AFF2: variants seen among roughly 807,000 people sequenced by gnomAD.
AFF2 encodes AF4/FMR2 family member 2.
A neutral mutation model predicts 76.9 loss-of-function variants in AFF2; 14 were observed. The observed-to-expected ratio is 0.18, with a 90% CI of 0.12 to 0.28. The LOEUF is 0.28. Ranked by LOEUF, AFF2 falls within the 10% of genes least tolerant of loss-of-function variation. AFF2 has a pLI of 1.00. For missense variants in AFF2, 868 were observed against 1,001.1 expected (o/e 0.87, Z 1.79); for synonymous variants, 398 against 366.7 (o/e 1.09, Z -0.98).
At chrX:148,513,194 G>A (rs970618739) in intron 1 of AFF2, among the ~76,000 whole-genome samples, 5 of 112,139 alleles carry the variant, frequency 4.5e-5, no homozygotes, top group African/African-American at 1.6e-4. Flanking sequence ...ATTCAAATGC[G>A]CTAAAGCAGG....
At chrX:148,930,765 G>T (rs782390176) in intron 9 of AFF2, among the ~76,000 whole-genome samples, 5 of 112,292 alleles carry the variant, frequency 4.5e-5, no homozygotes, top group African/African-American at 6.5e-5. Flanking sequence ...GCTGATGAGG[G>T]TTTAAATAAC....
At chrX:148,818,176 A>G (rs1424978764) in intron 4 of AFF2, among the ~76,000 whole-genome samples, 2 of 112,134 alleles carry the variant, frequency 1.8e-5, no homozygotes, top group African/African-American at 6.5e-5. Flanking sequence ...CTATTTGTAC[A>G]TTATACATAT....
chrX:148,845,703 T>C (rs2070658656), intron 7 of AFF2, among the ~76,000 whole-genome samples: 1 of 112,144 alleles, frequency 8.9e-6, no homozygotes, highest in Non-Finnish European at 1.9e-5. Flanking sequence ...CTCCTAGGAT[T>C]TTCCATTTGG....
At chrX:148,953,515 A>C in intron 9 of AFF2, 65 bp from the exon 10 acceptor site, 5 of 1,127,316 alleles carry the variant, frequency 4.4e-6, no homozygotes, top group Non-Finnish European at 6.0e-6. Flanking sequence ...CTTCACCTGA[A>C]CTGGGCTGTT....
intron 3 of AFF2, among the ~76,000 whole-genome samples, chrX:148,717,167 C>G (rs1382860230): frequency 8.9e-6 from 1 of 111,788 alleles, no homozygotes; most frequent in East Asian, 2.8e-4. Context: ...TCTCAAATCT[C>G]CATCAATGGA....
chrX:148,803,685 T>C (rs1414946440), intron 3 of AFF2, among the ~76,000 whole-genome samples: 2 of 111,803 alleles, frequency 1.8e-5, no homozygotes, highest in African/African-American at 3.3e-5. Context: ...GCCCACTGAA[T>C]TAAGTACTCT....
intron 3 of AFF2, among the ~76,000 whole-genome samples, chrX:148,706,259 T>C (rs1339276443): frequency 1.8e-5 from 2 of 111,985 alleles, no homozygotes; most frequent in Non-Finnish European, 3.8e-5. Context: ...CCTGGGAAAC[T>C]ATATGGACAT....
intron 3 of AFF2, among the ~76,000 whole-genome samples, chrX:148,665,563 G>A (rs1248606062): frequency 9.0e-6 from 1 of 111,718 alleles, no homozygotes; most frequent in East Asian, 2.8e-4. Flanking sequence ...AGGAGGAAAG[G>A]AAAAGAGAGG....
chrX:148,747,702 C>G (rs1280770367), intron 3 of AFF2, among the ~76,000 whole-genome samples: 1 of 111,626 alleles, frequency 9.0e-6, no homozygotes, highest in Non-Finnish European at 1.9e-5. Flanking sequence ...TTTAGACTCT[C>G]AAAAGCTGGG....
At chrX:148,609,260 A>G (rs1440073233) in intron 1 of AFF2, among the ~76,000 whole-genome samples, 1 of 111,946 alleles carries the variant, frequency 8.9e-6, no homozygotes. Flanking sequence ...ATACTCAGTC[A>G]TGTGCAATGT....
In AFF2 at chrX:148,940,326, G is replaced by A. The variant is rs188867011; in HGVS notation, c.1398-13254G>A. ...GTAGGTAGGGACCCTGTAGCATTGTGATTTGCTGTTGACATACTAAAAGGG... is the reference window on the plus strand; with the variant it reads ...GTAGGTAGGGACCCTGTAGCATTGTAATTTGCTGTTGACATACTAAAAGGG... On this transcript the variant is annotated intron_variant, in intron 9 of 20. Transcript: ENST00000370460. 5.4e-5 allele frequency among the ~76,000 whole-genome samples: 6 copies of A among 112,106 alleles called. No individual in the cohort carries two copies. The Admixed American group carries it at 5.7e-4, about 11-fold the overall frequency.
chrX:148,854,009 T>C (rs781919646), intron 7 of AFF2, among the ~76,000 whole-genome samples: 4 of 112,302 alleles, frequency 3.6e-5, no homozygotes, highest in Non-Finnish European at 7.5e-5. Flanking sequence ...GTCTACCCTT[T>C]ATCTTCATGC....
At chrX:148,848,806 A>G (rs1603312059) in intron 7 of AFF2, among the ~76,000 whole-genome samples, 1 of 112,227 alleles carries the variant, frequency 8.9e-6, no homozygotes, top group East Asian at 2.8e-4. Context: ...TTTTAAATCA[A>G]GAAGTATACC....
chrX:148,772,142 C>T (rs1557268149), intron 3 of AFF2, among the ~76,000 whole-genome samples: 1 of 112,183 alleles, frequency 8.9e-6, no homozygotes, highest in Non-Finnish European at 1.9e-5. Context: ...TATCTCAACA[C>T]ACATCTGATG....
intron 1 of AFF2, among the ~76,000 whole-genome samples, chrX:148,594,820 C>T (rs1316093045): frequency 8.9e-6 from 1 of 112,146 alleles, no homozygotes; most frequent in African/African-American, 3.2e-5. Context: ...TACTGCTCTT[C>T]CTTTCCCCAG....
At chrX:148,527,891 A>G (rs1277447104) in intron 1 of AFF2, among the ~76,000 whole-genome samples, 1 of 111,510 alleles carries the variant, frequency 9.0e-6, no homozygotes, top group Non-Finnish European at 1.9e-5. Context: ...GTACCTCTGT[A>G]TCCCATTTCT....
intron 8 of AFF2, among the ~76,000 whole-genome samples, chrX:148,888,231 C>T (rs1361166477): frequency 1.8e-5 from 2 of 110,192 alleles, no homozygotes; most frequent in Admixed American, 9.6e-5. Context: ...TACTTTTTGT[C>T]TGTATGGATT....
intron 1 of AFF2, among the ~76,000 whole-genome samples, chrX:148,542,708 G>C (rs1557237669): frequency 9.0e-6 from 1 of 111,565 alleles, no homozygotes. Context: ...AAGTGGGATA[G>C]GAACTGAAAC....
At chrX:148,765,778 T>C (rs1027272058) in intron 3 of AFF2, among the ~76,000 whole-genome samples, 2 of 109,117 alleles carry the variant, frequency 1.8e-5, no homozygotes, top group Non-Finnish European at 3.8e-5. Flanking sequence ...TATGTATACA[T>C]GTGCCATGCT....
Sources: gnomAD v4.1 joint callset for allele counts (sites outside exome capture counted in the v4.1 genomes callset) on GRCh38, gnomAD v4.1.1 for gene constraint, MANE v1.5 for transcripts, NCBI Gene and HGNC (gene_info 2026-07-23, HGNC 2026-07-21) for gene names.